CCDC7: variants seen among roughly 807,000 people sequenced by gnomAD.
CCDC7 encodes coiled-coil domain containing 7, also known as coiled-coil domain-containing protein 7.
CCDC7 carries 183 observed loss-of-function variants against 196.9 expected under a neutral mutation model. The observed-to-expected ratio is 0.93, with a 90% confidence interval of 0.82 to 1.05. The LOEUF (loss-of-function observed/expected upper bound fraction) is 1.05. Ranked by LOEUF, CCDC7 falls within the 50% of genes least tolerant of loss-of-function variation. CCDC7 has a pLI of 0.00. For synonymous variants in CCDC7, 525 were observed against 484.6 expected, an observed-to-expected ratio of 1.08 and a Z score of -1.10; for missense variants, 1,540 against 1,482.2, an observed-to-expected ratio of 1.04 and a Z score of -0.64.
intron 9 of CCDC7, among the ~76,000 whole-genome samples, chr10:32,516,998 A>T (rs2047124273): frequency 2.0e-5 from 3 of 152,234 alleles, no homozygotes. Context: ...ATAAACATAG[A>T]TTATTTGTTG....
At chr10:32,619,376 A>T (rs2139065993) in intron 18 of CCDC7, among the ~76,000 whole-genome samples, 1 of 152,282 alleles carries the variant, frequency 6.6e-6, no homozygotes, top group Admixed American at 6.5e-5. Flanking sequence ...GCTAGCCTGT[A>T]TAATAACAAT....
At chr10:32,638,089 A>C (rs866816515) in intron 20 of CCDC7, among the ~76,000 whole-genome samples, 24 of 152,318 alleles carry the variant, frequency 1.6e-4, no homozygotes, top group Middle Eastern at 3.4e-3. Flanking sequence ...TTGTATCCTG[A>C]GACTTTGCTG....
At chr10:32,681,404 C>G (rs576036779) in intron 21 of CCDC7, among the ~76,000 whole-genome samples, 1 of 152,232 alleles carries the variant, frequency 6.6e-6, no homozygotes, top group East Asian at 1.9e-4. Context: ...ACTGACTGAA[C>G]AATACAGTCA....
At chr10:32,659,744 C>T (rs990159150) in intron 20 of CCDC7, among the ~76,000 whole-genome samples, 1 of 152,138 alleles carries the variant, frequency 6.6e-6, no homozygotes, top group Non-Finnish European at 1.5e-5. Flanking sequence ...CATCACTGAT[C>T]ATTAGAGAAA....
At chr10:32,509,647 C>T in intron 9 of CCDC7, among the ~76,000 whole-genome samples, 1 of 151,840 alleles carries the variant, frequency 6.6e-6, no homozygotes, top group Non-Finnish European at 1.5e-5. Flanking sequence ...TATTTTCAAA[C>T]TGTACATCTG....
intron 29 of CCDC7, among the ~76,000 whole-genome samples, chr10:32,799,460 C>A (rs1204354185): frequency 1.3e-5 from 2 of 152,194 alleles, no homozygotes; most frequent in African/African-American, 2.4e-5. Context: ...TAAAAATTGG[C>A]AGCCTTTTGG....
At chr10:32,726,896 G>C (rs139663835) in intron 26 of CCDC7, 64 bp downstream of exon 27, 21 of 979,698 alleles carry the variant, frequency 2.1e-5, no homozygotes, top group Non-Finnish European at 3.1e-5. Flanking sequence ...GAAGATCTTT[G>C]CCTTTGATTC....
chr10:32,579,595 A>G (rs977422656), intron 16 of CCDC7, among the ~76,000 whole-genome samples: 8 of 152,160 alleles, frequency 5.3e-5, no homozygotes, highest in Non-Finnish European at 1.2e-4. Flanking sequence ...GCACTCATCA[A>G]ATAGTCATTA....
At chr10:32,751,217 T>G (rs1487306381) in intron 28 of CCDC7, among the ~76,000 whole-genome samples, 1 of 151,930 alleles carries the variant, frequency 6.6e-6, no homozygotes, top group Non-Finnish European at 1.5e-5. Context: ...TCTATTTATC[T>G]AGTATTTTGA....
At chr10:32,802,339 A>G (rs778183148) in intron 29 of CCDC7, among the ~76,000 whole-genome samples, 1 of 152,194 alleles carries the variant, frequency 6.6e-6, no homozygotes, top group Non-Finnish European at 1.5e-5. Flanking sequence ...GGAGTATCAA[A>G]TGCATTTATT....
chr10:32,572,777 A>G (rs551475865), intron 16 of CCDC7, among the ~76,000 whole-genome samples: 1 of 151,996 alleles, frequency 6.6e-6, no homozygotes, highest in South Asian at 2.1e-4. Flanking sequence ...TTGAGAATGT[A>G]TAAGAAAAAG....
chr10:32,740,542 CTA>C (rs1565353157), intron 28 of CCDC7, among the ~76,000 whole-genome samples: 1 of 152,158 alleles, frequency 6.6e-6, no homozygotes, highest in African/African-American at 2.4e-5. Flanking sequence ...CAGGACTTGA[CTA>C]TGTGCAGATT....
At chr10:32,724,126 C>T (rs1327875654) in intron 25 of CCDC7, among the ~76,000 whole-genome samples, 1 of 152,124 alleles carries the variant, frequency 6.6e-6, no homozygotes, top group East Asian at 1.9e-4. Context: ...TATACAATCA[C>T]TAGCATTCCC....
intron 21 of CCDC7, among the ~76,000 whole-genome samples, chr10:32,675,339 G>A (rs1422287945): frequency 7.0e-6 from 1 of 143,258 alleles, no homozygotes; most frequent in Non-Finnish European, 1.5e-5. Flanking sequence ...AGTTAAAATG[G>A]TCTATTTTAA....
intron 28 of CCDC7, among the ~76,000 whole-genome samples, chr10:32,737,528 A>G (rs139886004): frequency 6.6e-6 from 1 of 152,318 alleles, no homozygotes; most frequent in Non-Finnish European, 1.5e-5. Context: ...ATCTATAAGC[A>G]TCAATTAGAT....
intron 29 of CCDC7, among the ~76,000 whole-genome samples, chr10:32,790,686 C>T (rs1230837198): frequency 3.9e-5 from 6 of 152,194 alleles, no homozygotes; most frequent in Admixed American, 1.3e-4. Context: ...TTTTTCTCCA[C>T]AGCTGTGTCA....
At chr10:32,456,793 G>A (rs537915035) in intron 3 of CCDC7, among the ~76,000 whole-genome samples, 1 of 152,202 alleles carries the variant, frequency 6.6e-6, no homozygotes, top group South Asian at 2.1e-4. Flanking sequence ...TAAGACTACA[G>A]TGGAATTGTT....
chr10:32,652,140 A>G (rs1419142675), intron 20 of CCDC7, among the ~76,000 whole-genome samples: 1 of 152,134 alleles, frequency 6.6e-6, no homozygotes, highest in Non-Finnish European at 1.5e-5. Context: ...CTTCTGTTGT[A>G]TTGAGCCCTT....
intron 28 of CCDC7, among the ~76,000 whole-genome samples, chr10:32,756,804 T>A (rs1318018249): frequency 6.6e-6 from 1 of 152,172 alleles, no homozygotes; most frequent in African/African-American, 2.4e-5. Context: ...AGACACAGAC[T>A]GGCAAATTGG....
Sources: gnomAD v4.1 joint callset for allele counts (sites outside exome capture counted in the v4.1 genomes callset) on GRCh38, gnomAD v4.1.1 for gene constraint, MANE v1.5 for transcripts, NCBI Gene and HGNC (gene_info 2026-07-23, HGNC 2026-07-21) for gene names.